The following CEP112 variants were observed in gnomAD, a reference collection of about 807,000 sequenced individuals.
CEP112 encodes the protein centrosomal protein 112, also known as centrosomal protein of 112 kDa.
CEP112 carries 127 observed loss-of-function variants against 153.0 expected under a neutral mutation model. That is an observed-to-expected ratio of 0.83 (90% confidence interval 0.72 to 0.96). The LOEUF is 0.96. Among genes scored for constraint, CEP112 ranks in the 40% least tolerant of loss-of-function variants. The pLI, the probability that CEP112 is intolerant of heterozygous loss-of-function variation, is 0.00. For synonymous variants in CEP112, 358 were observed against 374.4 expected, an observed-to-expected ratio of 0.96 and a Z score of 0.51; for missense variants, 1,089 against 1,101.2, an observed-to-expected ratio of 0.99 and a Z score of 0.16.
intron 4 of CEP112, among the ~76,000 whole-genome samples, chr17:66,148,633 T>C (rs2071027277): frequency 6.6e-6 from 1 of 152,174 alleles, no homozygotes; most frequent in Non-Finnish European, 1.5e-5. Context: ...AATGAGATTA[T>C]TCTCTTAATT....
At chr17:65,717,899 T>G (rs954468528) in intron 23 of CEP112, among the ~76,000 whole-genome samples, 11 of 152,036 alleles carry the variant, frequency 7.2e-5, no homozygotes, top group South Asian at 6.2e-4. Context: ...TGACAGTCAT[T>G]TAAGGTGGTG....
chr17:65,848,692 CA>C (rs1193933913), intron 21 of CEP112, among the ~76,000 whole-genome samples: 7 of 152,200 alleles, frequency 4.6e-5, no homozygotes, highest in Admixed American at 4.6e-4. Context: ...ATTCTTTCAA[CA>C]GCAAGGGAAA....
At chr17:65,699,193 C>T (rs998322715) in intron 23 of CEP112, among the ~76,000 whole-genome samples, 4 of 152,212 alleles carry the variant, frequency 2.6e-5, no homozygotes, top group African/African-American at 9.6e-5. Context: ...AGAGCAGCGG[C>T]CTTTGCCCCT....
intron 21 of CEP112, among the ~76,000 whole-genome samples, chr17:65,757,602 T>C (rs148018687): frequency 2.0e-5 from 3 of 152,352 alleles, no homozygotes; most frequent in African/African-American, 7.2e-5. Flanking sequence ...AACAGCTAAA[T>C]AGAGTAGAAT....
At chr17:65,855,660 T>A (rs1377872686) in intron 20 of CEP112, among the ~76,000 whole-genome samples, 3 of 152,178 alleles carry the variant, frequency 2.0e-5, no homozygotes, top group African/African-American at 7.2e-5. Flanking sequence ...ATGGGCTCCC[T>A]GGCCAAAGTA....
chr17:65,790,917 C>T (rs745739906), intron 21 of CEP112, among the ~76,000 whole-genome samples: 4 of 152,136 alleles, frequency 2.6e-5, no homozygotes, highest in Admixed American at 6.6e-5. Context: ...AACACCCTTG[C>T]GTTGGGGATG....
chr17:65,993,341 T>C (rs933176712), intron 17 of CEP112, among the ~76,000 whole-genome samples: 1 of 152,220 alleles, frequency 6.6e-6, no homozygotes, highest in African/African-American at 2.4e-5. Flanking sequence ...CAGTCTATCA[T>C]TGATGAACAT....
chr17:65,726,328 G>C (rs996062792), intron 23 of CEP112, among the ~76,000 whole-genome samples: 2 of 148,148 alleles, frequency 1.3e-5, no homozygotes, highest in Admixed American at 1.4e-4. Flanking sequence ...GACAGGGCGA[G>C]ACTCCATCTC....
At chr17:65,638,495 A>G (rs2044903764) in intron 25 of CEP112, among the ~76,000 whole-genome samples, 1 of 152,150 alleles carries the variant, frequency 6.6e-6, no homozygotes, top group South Asian at 2.1e-4. Flanking sequence ...AGAAGAAAAC[A>G]CAGTCTTTCT....
At chr17:65,912,339 A>G (rs989488581) in intron 19 of CEP112, among the ~76,000 whole-genome samples, 1 of 152,112 alleles carries the variant, frequency 6.6e-6, no homozygotes, top group Non-Finnish European at 1.5e-5. Context: ...CCATTCTGGA[A>G]CCCAACTTTC....
chr17:65,827,825 T>C (rs1376127616), intron 21 of CEP112, among the ~76,000 whole-genome samples: 1 of 152,218 alleles, frequency 6.6e-6, no homozygotes, highest in African/African-American at 2.4e-5. Flanking sequence ...CTCTTCCTTC[T>C]ATCAGCAATT....
chr17:66,046,204 G>C (rs912664619), intron 12 of CEP112, among the ~76,000 whole-genome samples: 1 of 151,972 alleles, frequency 6.6e-6, no homozygotes, highest in African/African-American at 2.4e-5. Context: ...TGCCACGCCC[G>C]GCTAATTTTC....
At chr17:66,074,860 TAAAAAAAAAAAAGA>T (rs1478783907) in intron 8 of CEP112, among the ~76,000 whole-genome samples, 6 of 95,712 alleles carry the variant, frequency 6.3e-5, no homozygotes, top group African/African-American at 2.1e-4. Context: ...AGGCTCTGTC[TAAAAAAAAAAAAGA>T]AAAAAAAAAA....
chr17:65,750,519 T>C, intron 22 of CEP112, 143 bp downstream of exon 22: 1 of 651,670 alleles, frequency 1.5e-6, no homozygotes. Context: ...ATTGTTTATT[T>C]GTATACCCAT....
intron 21 of CEP112, among the ~76,000 whole-genome samples, chr17:65,761,107 T>C (rs1262430390): frequency 3.9e-5 from 6 of 151,982 alleles, no homozygotes. Context: ...TCATTACTTT[T>C]ATTAGATATT....
In CEP112 at chr17:65,998,991, A is replaced by G. The variant is rs183516871; in HGVS notation, c.1736+6699T>C. 1.0e-3 allele frequency among the ~76,000 whole-genome samples: 154 copies of G among 152,246 alleles called. 2 individuals are homozygous for G. The highest frequency in any genetic ancestry group is 8.3e-3 in the South Asian group (40 of 4,828). On this transcript the variant is annotated intron_variant, in intron 17 of 26. Transcript: ENST00000535342. ...AATTTAAATACAGAAATACTTTTAT[A>G]TCTAGTATAATAATATCTACCATTC...
At chr17:65,887,231 G>T (rs551916180) in intron 20 of CEP112, among the ~76,000 whole-genome samples, 7 of 152,098 alleles carry the variant, frequency 4.6e-5, no homozygotes, top group Non-Finnish European at 1.0e-4. Context: ...CTTCAGAGCT[G>T]CATAGCTTGG....
chr17:66,067,016 AACACACACACACACACACACAC>A (rs60964018), intron 9 of CEP112, 139 bp from the exon 10 acceptor site: 29 of 264,862 alleles, frequency 1.1e-4, no homozygotes, highest in Non-Finnish European at 1.8e-4. Context: ...TGAAATTATA[AACACACACACACACACACACAC>A]ACACACACAC....
chr17:66,144,608 G>C (rs1356419967), intron 4 of CEP112, among the ~76,000 whole-genome samples: 2 of 152,134 alleles, frequency 1.3e-5, no homozygotes, highest in Non-Finnish European at 2.9e-5. Context: ...CAGGAGAATT[G>C]CTTGAACCCA....
Sources: allele counts gnomAD v4.1 joint callset (sites outside exome capture counted in the v4.1 genomes callset), GRCh38; gene constraint gnomAD v4.1.1; transcripts MANE v1.5; gene names NCBI Gene and HGNC (gene_info 2026-07-23, HGNC 2026-07-21).